Variants in HOXC5 observed in about 807,000 individuals in gnomAD.
HOXC5 encodes the protein homeobox protein Hox-C5.
A neutral mutation model predicts 20.1 loss-of-function variants in HOXC5; 19 were observed. That is an observed-to-expected ratio of 0.94 (90% CI 0.66 to 1.38). HOXC5 has a LOEUF of 1.38. HOXC5 is among the 40% of genes most tolerant of loss of function. The probability of loss-of-function intolerance (pLI) is 0.00; values close to 1 mark genes in which losing one functional copy is unlikely to be tolerated. For missense variants in HOXC5, 330 were observed against 300.1 expected, an observed-to-expected ratio of 1.10 and a Z score of -0.74; for synonymous variants, 124 against 117.0, an observed-to-expected ratio of 1.06 and a Z score of -0.39.
chr12:54,028,026 T>C, the HOXC5 span, among the ~76,000 whole-genome samples: 59,527 of 151,982 alleles, frequency 0.39, 11,916 homozygotes, highest in East Asian at 0.64. Flanking sequence ...GAGGGAGTTC[T>C]TCCCTTGGAG....
chr12:54,032,929 T>G, upstream of HOXC5: 1 of 530,190 alleles, frequency 1.9e-6, no homozygotes, highest in Non-Finnish European at 3.3e-6. Context: ...TCAAGCCAAA[T>G]TTATGAGTGG....
the HOXC5 span, chr12:54,020,198 G>A: frequency 6.6e-6 from 1 of 152,348 alleles, no homozygotes. Context: ...TCTAATAATA[G>A]CCAGGGTGGC....
chr12:54,032,947 A>T, upstream of HOXC5: 1 of 588,830 alleles, frequency 1.7e-6, no homozygotes, highest in Non-Finnish European at 2.9e-6. Flanking sequence ...TGGCCGCTCG[A>T]GTCACGTGAC....
the HOXC5 span, among the ~76,000 whole-genome samples, chr12:54,022,891 G>C: frequency 2.0e-5 from 3 of 152,198 alleles, no homozygotes; most frequent in Non-Finnish European, 4.4e-5. Context: ...GAAGCCAGGA[G>C]GCTGGGGATC....
chr12:54,028,267 A>ATATT (rs3031476), upstream of HOXC5: 133 of 75,622 alleles, frequency 1.8e-3, no homozygotes, highest in East Asian at 3.1e-3. Context: ...ATATATATAT[A>ATATT]TTTTTTAAAA....
the HOXC5 span, among the ~76,000 whole-genome samples, chr12:54,022,912 G>T: frequency 6.6e-6 from 1 of 152,224 alleles, no homozygotes; most frequent in Non-Finnish European, 1.5e-5. Context: ...CTTTGACCCA[G>T]TGCAGAGCAG....
the HOXC5 span, among the ~76,000 whole-genome samples, chr12:54,027,873 C>T: frequency 6.6e-6 from 1 of 152,114 alleles, no homozygotes; most frequent in Non-Finnish European, 1.5e-5. Context: ...CTCAGGGGAA[C>T]AGGTTTTATG....
upstream of HOXC5, chr12:54,030,786 G>T (rs766300445): frequency 1.6e-4 from 25 of 152,510 alleles, no homozygotes; most frequent in African/African-American, 5.8e-4. Context: ...GTCCGTTCTC[G>T]AATATTTAAT....
chr12:54,033,090 A>T lies in HOXC5; in HGVS notation c.-33A>T. ...AGTCACAAATCACCCTTAATCAAAA[A>T]GGGTGCAGAAATTTTTTTGGGCCCT... On this transcript the variant is annotated 5_prime_UTR_variant, in exon 1 of 2. In the 5' UTR this introduces an upstream ATG that the reference lacks. Transcript: ENST00000312492. 6.4e-7 allele frequency: 1 copy of T among 1,567,752 alleles called. No individual in the cohort carries two copies. Among genetic ancestry groups the T allele is most frequent in the South Asian group, 1.1e-5 (1 of 87,932 alleles).
chr12:54,020,232 ACT>A, the HOXC5 span: 2 of 151,996 alleles, frequency 1.3e-5, no homozygotes, highest in Non-Finnish European at 1.5e-5. Flanking sequence ...TGGCTCAAGG[ACT>A]CTGCACACCC....
rs759624573 is a variant in HOXC5 at position 54,033,358 on chromosome 12, C to A, written c.236C>A (p.Ala79Glu). 4 of 1,612,614 alleles carry A rather than the reference C, an allele frequency of 2.5e-6. No individual in the cohort carries two copies. The African/African-American group carries it at 4.0e-5, about 16-fold the overall frequency. ...CCCGACCGCCCCGCCTGCAGCGCCG[C>A]GGCCGCTCCGGGACACGCTCCGGGC... ...AHPDRPACSA[A>E]AAPGHAPGRD... The change falls in exon 1 of 2, where the codon GCG becomes GAG. Residue 79 changes from alanine to glutamate, a missense_variant. Physicochemically the swap from Ala to Glu is moderately radical, Grantham distance 107. Transcript: ENST00000312492.
At chr12:54,025,660 GT>G in the HOXC5 span, among the ~76,000 whole-genome samples, 2 of 151,986 alleles carry the variant, frequency 1.3e-5, no homozygotes, top group Non-Finnish European at 2.9e-5. Flanking sequence ...GCTGGTTTCT[GT>G]TCATTATAAA....
intron 1 of HOXC5, 113 bp from the exon 2 acceptor site, chr12:54,034,165 G>A: frequency 9.5e-7 from 1 of 1,047,800 alleles, no homozygotes; most frequent in Non-Finnish European, 1.5e-6. Context: ...CTGTCTTGCG[G>A]CTCTCGCCTC....
At chr12:54,018,754 C>T in the HOXC5 span, among the ~76,000 whole-genome samples, 1 of 152,182 alleles carries the variant, frequency 6.6e-6, no homozygotes, top group South Asian at 2.1e-4. Context: ...CAGACACACC[C>T]GGAGGCGTGG....
At position 54,033,507 on chromosome 12, in the gene HOXC5, G is replaced by C; in HGVS notation, c.385G>C (p.Ala129Pro). 6.3e-7 allele frequency: 1 copy of C among 1,586,416 alleles called. No homozygotes were observed. Among genetic ancestry groups the C allele is most frequent in the Non-Finnish European group, 8.5e-7 (1 of 1,170,724 alleles). ...GGAGCAGGCGCAGACAGGGCAGCCC[G>C]CCGGACTGAGCCAGCCACCGGCCCC... ...KEEQAQTGQPAGLSQPPAPPQ... is the reference protein window; with the variant it reads ...KEEQAQTGQPPGLSQPPAPPQ... The change falls in exon 1 of 2, where the codon GCC becomes CCC. Residue 129 changes from alanine to proline, a missense_variant. By Grantham distance (27) the Ala-to-Pro change is conservative (BLOSUM62 -1). Coordinates refer to ENST00000312492, the MANE Select transcript of HOXC5 (RefSeq NM_018953.4).
chr12:54,024,793 C>T, the HOXC5 span, among the ~76,000 whole-genome samples: 1 of 152,140 alleles, frequency 6.6e-6, no homozygotes, highest in Non-Finnish European at 1.5e-5. Flanking sequence ...TGCAATGCCA[C>T]CCTTATCCTT....
chr12:54,029,654 G>A, upstream of HOXC5: 1 of 1,610,630 alleles, frequency 6.2e-7, no homozygotes, highest in Non-Finnish European at 8.5e-7. Context: ...CGGATCTTTA[G>A]GGGTCGGCTA....
At chr12:54,034,161 T>G (rs1941109075) in intron 1 of HOXC5, 117 bp from the exon 2 acceptor site, 1 of 1,008,974 alleles carries the variant, frequency 9.9e-7, no homozygotes, top group Non-Finnish European at 1.6e-6. Flanking sequence ...TGGCCTGTCT[T>G]GCGGCTCTCG....
At chr12:54,020,669 C>A in the HOXC5 span, 1 of 152,136 alleles carries the variant, frequency 6.6e-6, no homozygotes, top group Non-Finnish European at 1.5e-5. Context: ...TATGTTCATG[C>A]AAAATTTTGT....
Sources: allele counts gnomAD v4.1 joint callset (sites outside exome capture counted in the v4.1 genomes callset), GRCh38; gene constraint gnomAD v4.1.1; transcripts MANE v1.5; gene names NCBI Gene and HGNC (gene_info 2026-07-23, HGNC 2026-07-21).